PCDHA1: variants seen among roughly 807,000 people sequenced by gnomAD.
PCDHA1 encodes protocadherin alpha-1.
In PCDHA1, 42 loss-of-function variants were observed where a neutral mutation model predicts 61.3. The observed-to-expected ratio is 0.69, with a 90% confidence interval of 0.54 to 0.89. The LOEUF (loss-of-function observed/expected upper bound fraction) is 0.89. Ranked by LOEUF, PCDHA1 falls within the 40% of genes least tolerant of loss-of-function variation. PCDHA1 has a pLI of 0.00. For missense variants in PCDHA1, 1,256 were observed against 1,235.3 expected (o/e 1.02, Z -0.25); for synonymous variants, 610 against 553.8 (o/e 1.10, Z -1.43).
At chr5:140,802,565 G>A in intron 1 of PCDHA1, 1 of 1,614,162 alleles carries the variant, frequency 6.2e-7, no homozygotes, top group South Asian at 1.1e-5. Flanking sequence ...CGGCATTCTC[G>A]CAGTCCGAGT....
chr5:140,987,433 T>C (rs2097253895), intron 3 of PCDHA1, among the ~76,000 whole-genome samples: 1 of 152,108 alleles, frequency 6.6e-6, no homozygotes. Flanking sequence ...CAGGGGGCCT[T>C]TCCCCATGCC....
intron 1 of PCDHA1, chr5:140,927,810 G>A: frequency 2.5e-6 from 4 of 1,614,200 alleles, no homozygotes; most frequent in Non-Finnish European, 3.4e-6. Flanking sequence ...AAACGCTCTT[G>A]GAGGCATACA....
intron 1 of PCDHA1, among the ~76,000 whole-genome samples, chr5:140,958,824 A>T (rs1008923744): frequency 8.5e-5 from 13 of 152,158 alleles, no homozygotes; most frequent in African/African-American, 3.1e-4. Context: ...TAATTTTTAT[A>T]TCTTAAAGTT....
At chr5:140,945,628 A>G (rs898111170) in intron 1 of PCDHA1, among the ~76,000 whole-genome samples, 1 of 152,168 alleles carries the variant, frequency 6.6e-6, no homozygotes, top group Non-Finnish European at 1.5e-5. Flanking sequence ...TACTGGCATA[A>G]AAGACATGTA....
At chr5:140,849,745 G>T (rs2150447816) in intron 1 of PCDHA1, 1 of 1,598,462 alleles carries the variant, frequency 6.3e-7, no homozygotes, top group Admixed American at 1.7e-5. Context: ...GACCGCGAGA[G>T]TGTGTCCGCC....
rs2150108266 is a variant in PCDHA1 at position 140,820,912 on chromosome 5, A to T, written c.2394+32228A>T. 5.3e-5 allele frequency among the ~76,000 whole-genome samples: 8 copies of T among 152,240 alleles called. No individual in the cohort carries two copies. In the South Asian group the frequency reaches 1.7e-3, roughly 32 times the overall value. On this transcript the variant is annotated intron_variant, in intron 1 of 3. Coordinates refer to ENST00000504120, the MANE Select transcript of PCDHA1 (RefSeq NM_018900.4). ...GACGATTTACCAAAGTCGTTCTATT[A>T]TGCTTTTGATTTCTAGAAAGCTGAA...
chr5:140,877,868 T>A, intron 1 of PCDHA1: 1 of 1,488,916 alleles, frequency 6.7e-7, no homozygotes, highest in Non-Finnish European at 8.9e-7. Context: ...TTAGATATAT[T>A]TGTTTCCTTG....
intron 1 of PCDHA1, chr5:140,848,617 A>C (rs2150415016): frequency 6.3e-7 from 1 of 1,593,554 alleles, no homozygotes; most frequent in South Asian, 1.1e-5. Flanking sequence ...GAAGCCGAAC[A>C]CGGCACCTTC....
intron 1 of PCDHA1, chr5:140,807,674 G>A (rs782061737): frequency 1.2e-6 from 2 of 1,614,206 alleles, no homozygotes; most frequent in South Asian, 2.2e-5. Context: ...TGCAGATATC[G>A]GGGAGAACGC....
chr5:140,802,814 T>G (rs145590069), intron 1 of PCDHA1: 1 of 1,613,428 alleles, frequency 6.2e-7, no homozygotes, highest in East Asian at 2.2e-5. Flanking sequence ...GTGCGCGCGA[T>G]GCGGGCGTGC....
intron 1 of PCDHA1, among the ~76,000 whole-genome samples, chr5:140,827,296 A>G (rs1554130748): frequency 6.6e-6 from 1 of 152,262 alleles, no homozygotes; most frequent in East Asian, 1.9e-4. Flanking sequence ...AAAACAGCAA[A>G]GCACAATGGG....
chr5:141,005,287 A>AT (rs1405339052), intron 3 of PCDHA1, among the ~76,000 whole-genome samples: 5 of 152,162 alleles, frequency 3.3e-5, no homozygotes, highest in Admixed American at 1.3e-4. Context: ...AAACAGATAC[A>AT]TTTTTTGCCT....
chr5:141,005,701 C>CAAAA (rs59860837), intron 3 of PCDHA1, among the ~76,000 whole-genome samples: 118 of 7,756 alleles, frequency 0.015, 2 homozygotes, highest in East Asian at 0.044. Flanking sequence ...AACTCCGTCT[C>CAAAA]AAAAAAAAAA....
chr5:140,957,446 C>T (rs1357499949), intron 1 of PCDHA1, among the ~76,000 whole-genome samples: 2 of 152,216 alleles, frequency 1.3e-5, no homozygotes, highest in East Asian at 1.9e-4. Context: ...TTATAAATCA[C>T]ACTTTATCAT....
chr5:140,995,526 A>G (rs1241973159), intron 3 of PCDHA1, among the ~76,000 whole-genome samples: 1 of 152,244 alleles, frequency 6.6e-6, no homozygotes, highest in Non-Finnish European at 1.5e-5. Context: ...TCAGAAATCA[A>G]ACCTCAAATA....
intron 1 of PCDHA1, chr5:140,851,395 A>G: frequency 1.0e-6 from 1 of 973,138 alleles, no homozygotes; most frequent in Non-Finnish European, 1.2e-6. Context: ...AGTATCTATT[A>G]TTTTAATAAG....
intron 1 of PCDHA1, among the ~76,000 whole-genome samples, chr5:140,889,615 T>C (rs1261276866): frequency 6.6e-6 from 1 of 152,184 alleles, no homozygotes; most frequent in Non-Finnish European, 1.5e-5. Flanking sequence ...ATTATACTGA[T>C]TCATTTCTCT....
intron 1 of PCDHA1, chr5:140,829,512 T>C: frequency 6.2e-7 from 1 of 1,613,516 alleles, no homozygotes. Flanking sequence ...GGCTGCCACA[T>C]CTTCACGGTG....
chr5:140,927,972 T>C, intron 1 of PCDHA1: 1 of 1,614,190 alleles, frequency 6.2e-7, no homozygotes, highest in Non-Finnish European at 8.5e-7. Context: ...CAGTGATTGC[T>C]CTCTTTAGTG....
Sources: gnomAD v4.1 joint callset for allele counts (sites outside exome capture counted in the v4.1 genomes callset) on GRCh38, gnomAD v4.1.1 for gene constraint, MANE v1.5 for transcripts, NCBI Gene and HGNC (gene_info 2026-07-23, HGNC 2026-07-21) for gene names.